The following SLC9A3 variants were observed in gnomAD, a reference collection of about 807,000 sequenced individuals.
SLC9A3 encodes the protein sodium/hydrogen exchanger 3.
In SLC9A3, 37 loss-of-function variants were observed where a neutral mutation model predicts 86.8. That is an observed-to-expected ratio of 0.43 (90% CI 0.33 to 0.56). The LOEUF is 0.56. Ranked by LOEUF, SLC9A3 falls within the 20% of genes least tolerant of loss-of-function variation. The pLI is 0.06. For missense variants in SLC9A3, 1,011 were observed against 1,171.9 expected (o/e 0.86, Z 2.00); for synonymous variants, 581 against 528.3 (o/e 1.10, Z -1.37).
intron 1 of SLC9A3, among the ~76,000 whole-genome samples, chr5:494,710 C>A (rs897579332): frequency 6.6e-6 from 1 of 152,212 alleles, no homozygotes; most frequent in Non-Finnish European, 1.5e-5. Context: ...CCTGCCCACC[C>A]GCAGGCTGAC....
intron 6 of SLC9A3, 119 bp from the exon 7 acceptor site, chr5:482,869 T>A: frequency 1.3e-6 from 1 of 765,740 alleles, no homozygotes; most frequent in Non-Finnish European, 2.1e-6. Context: ...AGCGGCACCC[T>A]AGATACGGCG....
intron 1 of SLC9A3, among the ~76,000 whole-genome samples, chr5:518,311 C>A (rs909094887): frequency 6.6e-6 from 1 of 151,898 alleles, no homozygotes; most frequent in African/African-American, 2.4e-5. Flanking sequence ...GACCTGGTAC[C>A]CTGAGACCTG....
chr5:520,047 G>A (rs777984965), intron 1 of SLC9A3, among the ~76,000 whole-genome samples: 6 of 152,074 alleles, frequency 3.9e-5, no homozygotes, highest in Admixed American at 6.5e-5. Flanking sequence ...TCGAGAGCCT[G>A]CCCCCACCGC....
In SLC9A3 at chr5:476,676, C is replaced by A. The variant is rs753500386; in HGVS notation, c.1761-4G>T. ...GACAGCGCTGACATTTTCTCTCCTG[C>A]GTGGGGACCAGCGCTGAGCCATACA... On this transcript the variant is annotated splice_region_variant and splice_polypyrimidine_tract_variant and intron_variant, in intron 11 of 16. Transcript: ENST00000264938. 6.2e-7 allele frequency: 1 copy of A among 1,602,648 alleles called. No individual in the cohort carries two copies. The highest frequency in any genetic ancestry group is 1.1e-5 in the South Asian group (1 of 91,084).
chr5:502,090 G>A (rs1228268364), intron 1 of SLC9A3, among the ~76,000 whole-genome samples: 1 of 152,256 alleles, frequency 6.6e-6, no homozygotes, highest in Non-Finnish European at 1.5e-5. Flanking sequence ...AGCAAACCTG[G>A]TCGGTTTTTA....
At chr5:481,470 C>T in intron 9 of SLC9A3, 95 bp downstream of exon 9, 1 of 1,076,818 alleles carries the variant, frequency 9.3e-7, no homozygotes, top group South Asian at 1.3e-5. Flanking sequence ...TGGACTCAAA[C>T]AGTTGTTATG....
chr5:490,645 C>T (rs1739691218), intron 2 of SLC9A3, among the ~76,000 whole-genome samples: 1 of 152,198 alleles, frequency 6.6e-6, no homozygotes, highest in South Asian at 2.1e-4. Flanking sequence ...GGCGAGGGGC[C>T]ATCTGGCAAG....
rs1386845811 is a variant in SLC9A3 at position 479,920 on chromosome 5, T to A, written c.1563A>T (p.Arg521Ser). ...GGTCTCGAGACTTCTGGGCCGACCG[T>A]CTCATGAGGACCCTGCTGAGGAACT... ...DRKFLSRVLM[R>S]RSAQKSRDRI... The change falls in exon 10 of 17, where the codon AGA becomes AGT. Residue 521 changes from arginine to serine, a missense_variant. Transcript: ENST00000264938. The A allele has an allele frequency of 6.2e-7, 1 of 1,613,846 alleles. No individual in the cohort carries two copies. The highest frequency in any genetic ancestry group is 2.2e-5 in the East Asian group (1 of 44,886).
chr5:488,591 T>A, intron 2 of SLC9A3, 115 bp from the exon 3 acceptor site: 1 of 1,082,826 alleles, frequency 9.2e-7, no homozygotes, highest in Non-Finnish European at 1.3e-6. Context: ...CTGGCGCCGG[T>A]GGCGTGGGGA....
chr5:500,651 T>G (rs61542068), intron 1 of SLC9A3, among the ~76,000 whole-genome samples: 1 of 28,480 alleles, frequency 3.5e-5, no homozygotes, highest in Admixed American at 5.0e-4. Context: ...GGTGTGGACA[T>G]GGGGCTAGTA....
At chr5:482,876 G>T in intron 6 of SLC9A3, 126 bp from the exon 7 acceptor site, 1 of 734,440 alleles carries the variant, frequency 1.4e-6, no homozygotes, top group Admixed American at 2.7e-5. Context: ...CCCTAGATAC[G>T]GCGTCCCCAC....
At position 496,190 on chromosome 5, in the gene SLC9A3, TG is replaced by T. The variant is rs1164638404; in HGVS notation, c.212-4120del. Among the ~76,000 whole-genome samples the T allele has an allele frequency of 6.6e-6, 1 of 152,240 alleles. No individual in the cohort carries two copies. The highest frequency in any genetic ancestry group is 1.5e-5 in the Non-Finnish European group (1 of 68,042). Reference sequence around the variant, plus strand: ...TTTGGAACATTCTGCCATCCGGGGTTGGAAAGGGTGTTGGACACGCCTTTCC... The same window carrying T: ...TTTGGAACATTCTGCCATCCGGGGTTGAAAGGGTGTTGGACACGCCTTTCC... On this transcript the variant is annotated intron_variant, in intron 1 of 16. Transcript: ENST00000264938. This position sits in a 1 kb window ranked among gnomAD's most constrained non-coding sequence, Gnocchi z 4.7.
chr5:489,483 G>T (rs13152890), intron 2 of SLC9A3, among the ~76,000 whole-genome samples: 11 of 152,082 alleles, frequency 7.2e-5, no homozygotes, highest in Non-Finnish European at 1.6e-4. Flanking sequence ...CCTGGCCAGG[G>T]GTTTCTGTGC....
Position 473,060 on chromosome 5 carries a change from G to A in SLC9A3, c.*319C>T, listed in dbSNP as rs1296694928. On this transcript the variant is annotated 3_prime_UTR_variant, in exon 17 of 17. Coordinates refer to ENST00000264938, the MANE Select transcript of SLC9A3 (RefSeq NM_004174.4). ...TCAGCAGCGCGGGGCGGCGGCGCGCGCGAGGCCGCTGGAACGAGCGCCGGC... is the reference window on the plus strand; with the variant it reads ...TCAGCAGCGCGGGGCGGCGGCGCGCACGAGGCCGCTGGAACGAGCGCCGGC... The A allele has an allele frequency of 1.3e-5, 4 of 315,796 alleles. No homozygotes were observed. Among genetic ancestry groups the A allele is most frequent in the Non-Finnish European group, 1.7e-5 (3 of 174,282 alleles). The allele number at this position is 315,796 out of a possible 1,614,324, so 19.6% of individuals were successfully genotyped here.
chr5:499,428 G>A (rs565612229), intron 1 of SLC9A3, among the ~76,000 whole-genome samples: 1 of 152,348 alleles, frequency 6.6e-6, no homozygotes, highest in Non-Finnish European at 1.5e-5. Context: ...GCTTTCTGGG[G>A]GCATCTGCCG....
intron 1 of SLC9A3, among the ~76,000 whole-genome samples, chr5:506,860 G>A (rs1331125172): frequency 6.6e-6 from 1 of 150,418 alleles, no homozygotes; most frequent in African/African-American, 2.5e-5. Flanking sequence ...AAGGTCATGA[G>A]ATCGAGACCA....
intron 1 of SLC9A3, among the ~76,000 whole-genome samples, chr5:516,034 A>C (rs1359411100): frequency 4.3e-4 from 20 of 46,348 alleles, no homozygotes; most frequent in South Asian, 2.4e-3. Flanking sequence ...CCCCTCACAC[A>C]CACACACTCC....
rs1739747040 is a variant in SLC9A3 at position 491,655 on chromosome 5, CACTT to C, written c.514+110_514+113del. The C allele has an allele frequency of 8.2e-6, 8 of 980,784 alleles. No homozygotes were observed. The highest frequency in any genetic ancestry group is 1.2e-5 in the Non-Finnish European group (8 of 685,254). The allele number at this position is 980,784 out of a possible 1,614,324, so 60.8% of individuals were successfully genotyped here. On this transcript the variant is annotated intron_variant, in intron 2 of 16. Transcript: ENST00000264938. The surrounding 1 kb of genome is among the most constrained non-coding windows in gnomAD (Gnocchi z 9.2). ...GCTGCCAGCCACGTTTCTCACCTGA[CACTT>C]ACCGCCTGGAGGCCAGGGTGCGGCA...
At chr5:510,378 G>A (rs55773830) in intron 1 of SLC9A3, among the ~76,000 whole-genome samples, 22,304 of 152,204 alleles carry the variant, frequency 0.15, 2,117 homozygotes, top group Non-Finnish European at 0.21. Context: ...GCTTGGTCCC[G>A]GCCTGGAGAC....
Sources: allele counts gnomAD v4.1 joint callset (sites outside exome capture counted in the v4.1 genomes callset), GRCh38; gene constraint gnomAD v4.1.1; non-coding constraint Gnocchi (gnomAD v3.1); transcripts MANE v1.5; gene names NCBI Gene and HGNC (gene_info 2026-07-23, HGNC 2026-07-21).